TRIP13: variants seen among roughly 807,000 people sequenced by gnomAD.
The protein encoded by TRIP13 is thyroid hormone receptor interactor 13, also known as pachytene checkpoint protein 2 homolog.
A neutral mutation model predicts 54.4 loss-of-function variants in TRIP13; 25 were observed. The observed-to-expected ratio is 0.46, with a 90% CI of 0.33 to 0.64. The LOEUF (loss-of-function observed/expected upper bound fraction) is 0.64. Ranked by LOEUF, TRIP13 falls within the 30% of genes least tolerant of loss-of-function variation. TRIP13 has a pLI of 0.02. For missense variants in TRIP13, 373 were observed against 534.2 expected, an observed-to-expected ratio of 0.70 and a Z score of 2.97; for synonymous variants, 207 against 207.8, an observed-to-expected ratio of 1.00 and a Z score of 0.03.
At chr5:905,535 C>T (rs1203415356) in intron 6 of TRIP13, among the ~76,000 whole-genome samples, 1 of 152,200 alleles carries the variant, frequency 6.6e-6, no homozygotes, top group Admixed American at 6.5e-5. Context: ...GGCTGTGCTC[C>T]ACTTGGGCTC....
intron 12 of TRIP13, 142 bp downstream of exon 12, chr5:916,115 C>T: frequency 1.2e-6 from 1 of 849,386 alleles, no homozygotes; most frequent in East Asian, 2.5e-5. Flanking sequence ...GGAGGAGGAG[C>T]TGACCTTGGC....
chr5:911,755 C>G lies in TRIP13; in HGVS notation c.867-88C>G. ...TGTTGGCAGCCTGCTGGCCATCGTC[C>G]TGCCAACCTCCTTGCCAGATAGGGC... On this transcript the variant is annotated intron_variant, in intron 9 of 12. Coordinates refer to ENST00000166345, the MANE Select transcript of TRIP13 (RefSeq NM_004237.4). The surrounding 1 kb of genome is among the most constrained non-coding windows in gnomAD (Gnocchi z 4.7). 2 of 1,498,774 alleles carry G rather than the reference C, an allele frequency of 1.3e-6. No individual in the cohort carries two copies. Among genetic ancestry groups the G allele is most frequent in the Non-Finnish European group, 1.8e-6 (2 of 1,122,316 alleles). The allele number at this position is 1,498,774 out of a possible 1,614,324, so 92.8% of individuals were successfully genotyped here.
rs7727452 is a variant in TRIP13, at chr5:913,547, G to A, written c.1021-918G>A. On this transcript the variant is annotated intron_variant, in intron 10 of 12. Coordinates refer to ENST00000166345, the MANE Select transcript of TRIP13 (RefSeq NM_004237.4). This position sits in a 1 kb window ranked among gnomAD's most constrained non-coding sequence, Gnocchi z 4.5. ...ATTTTTGTATTTTCAGTAGAGAAAG[G>A]GTTTCATCATGTTGGCCTGGCTGGT... Among the ~76,000 whole-genome samples the A allele has an allele frequency of 1.3e-5, 2 of 152,012 alleles. No individual in the cohort carries two copies. Among genetic ancestry groups the A allele is most frequent in the African/African-American group, 4.8e-5 (2 of 41,358 alleles).
intron 6 of TRIP13, among the ~76,000 whole-genome samples, chr5:906,068 A>C (rs1289670008): frequency 6.6e-6 from 1 of 152,150 alleles, no homozygotes; most frequent in Admixed American, 6.5e-5. Context: ...AATACAAAAA[A>C]TTAGCTGGGA....
intron 5 of TRIP13, among the ~76,000 whole-genome samples, chr5:903,445 T>A (rs1754039706): frequency 6.6e-6 from 1 of 152,218 alleles, no homozygotes; most frequent in African/African-American, 2.4e-5. Context: ...TACAAATTAA[T>A]GATTAATATT....
chr5:901,696 C>T (rs1753994178), intron 5 of TRIP13, among the ~76,000 whole-genome samples: 1 of 152,214 alleles, frequency 6.6e-6, no homozygotes, highest in Non-Finnish European at 1.5e-5. Context: ...ACTGCAACCT[C>T]CACTTCCTGG....
At chr5:901,701 TC>T (rs1753994422) in intron 5 of TRIP13, among the ~76,000 whole-genome samples, 1 of 152,208 alleles carries the variant, frequency 6.6e-6, no homozygotes, top group Admixed American at 6.5e-5. Context: ...AACCTCCACT[TC>T]CTGGGTTCCT....
chr5:916,190 A>G (rs1754337199), intron 12 of TRIP13, among the ~76,000 whole-genome samples: 1 of 152,184 alleles, frequency 6.6e-6, no homozygotes. Flanking sequence ...GCCTCTGCTC[A>G]CACGCATGCA....
rs1257050470 is a variant in TRIP13 at position 908,033 on chromosome 5, A to C, written c.718A>C (p.Ile240Leu). ...TKMFQKIQDL[I>L]DDKDALVFVL... Reference sequence around the variant, plus strand: ...GATGTTTCAGAAGATTCAGGATTTGATTGATGATAAAGACGCCCTGGTGTT... The same window carrying C: ...GATGTTTCAGAAGATTCAGGATTTGCTTGATGATAAAGACGCCCTGGTGTT... Residue 240 changes from isoleucine (I) to leucine (L), a missense_variant, in exon 8 of 13, where the codon ATT becomes CTT. Around this residue, in one of 4 missense-constraint regions of TRIP13, gnomAD observed 119 missense variants for 223.0 expected, o/e 0.53. Transcript: ENST00000166345. The surrounding 1 kb of genome is among the most constrained non-coding windows in gnomAD (Gnocchi z 5.2). 1 of 1,614,208 alleles carries C rather than the reference A, an allele frequency of 6.2e-7. No individual in the cohort carries two copies. Among genetic ancestry groups the C allele is most frequent in the Non-Finnish European group, 8.5e-7 (1 of 1,180,044 alleles).
chr5:910,228 C>T (rs549475692), intron 9 of TRIP13, among the ~76,000 whole-genome samples: 11 of 152,328 alleles, frequency 7.2e-5, no homozygotes, highest in South Asian at 4.1e-4. Context: ...CTTTGCACAG[C>T]GCTGACACCC....
chr5:901,984 C>T (rs1460003560), intron 5 of TRIP13, among the ~76,000 whole-genome samples: 4 of 152,234 alleles, frequency 2.6e-5, no homozygotes, highest in African/African-American at 4.8e-5. Context: ...CATTCCAAGA[C>T]ATCCTCAGAT....
chr5:904,673 T>A (rs1251048601), intron 6 of TRIP13, among the ~76,000 whole-genome samples: 1 of 152,174 alleles, frequency 6.6e-6, no homozygotes, highest in African/African-American at 2.4e-5. Context: ...ACTCCTGTGC[T>A]TTTTCATTTT....
chr5:907,679 C>T lies in TRIP13; in HGVS notation c.673-309C>T, dbSNP rs1267276978. ...CAGCCTGTTTGCATCTGTGGTCTGC[C>T]TCTTTTCCTCATCAGAGAGGACACA... On this transcript the variant is annotated intron_variant, in intron 7 of 12. Coordinates refer to ENST00000166345, the MANE Select transcript of TRIP13 (RefSeq NM_004237.4). The surrounding 1 kb of genome is among the most constrained non-coding windows in gnomAD (Gnocchi z 4.1). Among the ~76,000 whole-genome samples the T allele has an allele frequency of 1.3e-5, 2 of 152,226 alleles. No individual in the cohort carries two copies. Among genetic ancestry groups the T allele is most frequent in the African/African-American group, 4.8e-5 (2 of 41,466 alleles).
chr5:916,381 C>T (rs1440139908), intron 12 of TRIP13, among the ~76,000 whole-genome samples: 4 of 152,252 alleles, frequency 2.6e-5, no homozygotes, highest in East Asian at 1.9e-4. Flanking sequence ...CTGGGGCACT[C>T]ACCCCTCCCC....
At chr5:895,801 A>G (rs1753900372) in intron 2 of TRIP13, among the ~76,000 whole-genome samples, 1 of 152,264 alleles carries the variant, frequency 6.6e-6, no homozygotes, top group Admixed American at 6.5e-5. Context: ...GCTGATAATC[A>G]TGCAATTTTG....
intron 4 of TRIP13, 40 bp from the exon 5 acceptor site, chr5:901,301 G>A (rs569630765): frequency 6.3e-7 from 1 of 1,596,500 alleles, no homozygotes; most frequent in Non-Finnish European, 8.6e-7. Flanking sequence ...CCTTTGCCTT[G>A]TTGGTATCTT....
At position 915,900 on chromosome 5, in the gene TRIP13, A is replaced by G. The variant is rs991004041; in HGVS notation, c.1134-4A>G. 7.4e-6 allele frequency: 12 copies of G among 1,613,940 alleles called. 1 individual carries two copies. In the African/African-American group the frequency reaches 1.5e-4, roughly 20 times the overall value. ...TGTCTCTGAACTGGGTTTTCTTTAC[A>G]CAGGAAGAGCGAGGGCCTCAGCGGC... On this transcript the variant is annotated splice_region_variant and splice_polypyrimidine_tract_variant and intron_variant, in intron 11 of 12. Transcript: ENST00000166345. The surrounding 1 kb of genome is among the most constrained non-coding windows in gnomAD (Gnocchi z 4.2).
intron 12 of TRIP13, 77 bp from the exon 13 acceptor site, chr5:916,931 C>G: frequency 7.5e-7 from 1 of 1,341,144 alleles, no homozygotes; most frequent in South Asian, 1.3e-5. Flanking sequence ...CTGTGGGTGG[C>G]GGCAGGGGCT....
At position 907,225 on chromosome 5, in the gene TRIP13, G is replaced by T; in HGVS notation, c.672+32G>T. 1 of 1,577,400 alleles carries T rather than the reference G, an allele frequency of 6.3e-7. No homozygotes were observed. The highest frequency in any genetic ancestry group is 8.7e-7 in the Non-Finnish European group (1 of 1,147,602). On this transcript the variant is annotated intron_variant, in intron 7 of 12. Transcript: ENST00000166345. This position sits in a 1 kb window ranked among gnomAD's most constrained non-coding sequence, Gnocchi z 4.1. Reference sequence around the variant, plus strand: ...ATTAAATATTAATTCTAATTGTCTGGATTGTATAGCTGAAAAAATGTCTTG... The same window carrying T: ...ATTAAATATTAATTCTAATTGTCTGTATTGTATAGCTGAAAAAATGTCTTG...
Sources: allele counts gnomAD v4.1 joint callset (sites outside exome capture counted in the v4.1 genomes callset), GRCh38; gene constraint gnomAD v4.1.1; regional missense constraint gnomAD v4.1.1; non-coding constraint Gnocchi (gnomAD v3.1); transcripts MANE v1.5; gene names NCBI Gene and HGNC (gene_info 2026-07-23, HGNC 2026-07-21).